AOAH: variants seen among roughly 807,000 people sequenced by gnomAD.
AOAH encodes the protein acyloxyacyl hydrolase.
AOAH carries 64 observed loss-of-function variants against 92.2 expected under a neutral mutation model. The observed-to-expected ratio is 0.69, with a 90% CI of 0.57 to 0.86. The LOEUF (loss-of-function observed/expected upper bound fraction) is 0.86, where lower values mean the gene tolerates loss of function less well. Among genes scored for constraint, AOAH ranks in the 40% least tolerant of loss-of-function variants. The probability of loss-of-function intolerance (pLI) is 0.00; values close to 1 mark genes in which losing one functional copy is unlikely to be tolerated. For synonymous variants in AOAH, 263 were observed against 254.5 expected, an observed-to-expected ratio of 1.03 and a Z score of -0.32; for missense variants, 656 against 694.6, an observed-to-expected ratio of 0.94 and a Z score of 0.62.
Position 36,516,029 on chromosome 7 carries a change from CAT to C in AOAH, c.1600-2651_1600-2650del, listed in dbSNP as rs1052584748. Among the ~76,000 whole-genome samples the C allele has an allele frequency of 4.0e-5, 6 of 148,346 alleles. No homozygotes were observed. The highest frequency in any genetic ancestry group is 1.5e-4 in the African/African-American group (6 of 40,366). ...ACACCCCTCACAACCCCACACAACA[CAT>C]AAATACGTCACACACACACACACCA... On this transcript the variant is annotated intron_variant, in intron 20 of 20. Coordinates refer to ENST00000617537, the MANE Select transcript of AOAH (RefSeq NM_001637.4). This position sits in a 1 kb window ranked among gnomAD's most constrained non-coding sequence, Gnocchi z 5.0.
chr7:36,563,763 G>A (rs1787464010), intron 13 of AOAH, among the ~76,000 whole-genome samples: 1 of 152,036 alleles, frequency 6.6e-6, no homozygotes, highest in African/African-American at 2.4e-5. Flanking sequence ...GGTAGTTTCA[G>A]GAGAATGATT....
rs934187131 is a variant in AOAH at position 36,567,667 on chromosome 7, C to T, written c.1021+8907G>A. 5.3e-5 allele frequency among the ~76,000 whole-genome samples: 8 copies of T among 152,174 alleles called. No homozygotes were observed. The East Asian group carries it at 1.3e-3, about 26-fold the overall frequency. ...CTGGTGGGTAAAACATATGATTAAC[C>T]GTCTAGGGCCTGTGAGGACATCAAC... On this transcript the variant is annotated intron_variant, in intron 13 of 20. Coordinates refer to ENST00000617537, the MANE Select transcript of AOAH (RefSeq NM_001637.4).
chr7:36,520,019 G>A (rs929039955), intron 20 of AOAH, among the ~76,000 whole-genome samples: 2 of 152,162 alleles, frequency 1.3e-5, no homozygotes, highest in African/African-American at 4.8e-5. Flanking sequence ...TTTAGGCCTG[G>A]CTATCCATTT....
At chr7:36,563,454 G>T (rs192895076) in intron 13 of AOAH, among the ~76,000 whole-genome samples, 8 of 152,208 alleles carry the variant, frequency 5.3e-5, no homozygotes, top group Admixed American at 1.3e-4. Context: ...CTGCTCATTT[G>T]GTGGTGGCCC....
intron 10 of AOAH, 72 bp downstream of exon 10, chr7:36,618,225 C>T: frequency 2.9e-6 from 4 of 1,388,218 alleles, no homozygotes; most frequent in Non-Finnish European, 3.1e-6. Context: ...AGGTGGTCTG[C>T]TCACTTCAAT....
At chr7:36,518,496 A>G (rs1228946437) in intron 20 of AOAH, among the ~76,000 whole-genome samples, 3 of 152,192 alleles carry the variant, frequency 2.0e-5, no homozygotes, top group Admixed American at 1.3e-4. Context: ...ATTTGTCCTC[A>G]GTACGGGAGG....
At chr7:36,615,144 G>C (rs1290765608) in intron 11 of AOAH, among the ~76,000 whole-genome samples, 1 of 152,188 alleles carries the variant, frequency 6.6e-6, no homozygotes, top group East Asian at 1.9e-4. Flanking sequence ...GCACCCTCCA[G>C]GGACAAGCTA....
intron 1 of AOAH, among the ~76,000 whole-genome samples, chr7:36,717,068 T>C (rs1799249877): frequency 6.6e-6 from 1 of 152,178 alleles, no homozygotes; most frequent in Admixed American, 6.5e-5. Context: ...TGGGACATAC[T>C]GTTCAGTGCT....
intron 4 of AOAH, among the ~76,000 whole-genome samples, chr7:36,653,391 A>G (rs570144814): frequency 6.6e-6 from 1 of 152,358 alleles, no homozygotes; most frequent in East Asian, 1.9e-4. Context: ...TCCTGAGGTC[A>G]GCTTGTTTAT....
chr7:36,681,427 C>T (rs4457232), intron 2 of AOAH, among the ~76,000 whole-genome samples: 122,230 of 152,178 alleles, frequency 0.8, 49,732 homozygotes, highest in African/African-American at 0.94. Context: ...TGCTGAGCAA[C>T]GCATACAGTA....
chr7:36,649,596 G>C (rs1794443993), intron 4 of AOAH, among the ~76,000 whole-genome samples: 1 of 152,224 alleles, frequency 6.6e-6, no homozygotes, highest in Non-Finnish European at 1.5e-5. Flanking sequence ...CAGCAGGAGG[G>C]ATAATGATCG....
chr7:36,656,197 G>C (rs76684802), intron 4 of AOAH, among the ~76,000 whole-genome samples: 1 of 152,310 alleles, frequency 6.6e-6, no homozygotes, highest in Non-Finnish European at 1.5e-5. Flanking sequence ...AAAGATGATT[G>C]GGGGAATTCT....
At chr7:36,531,862 G>GTGTGTGTGTA (rs1472110851) in intron 18 of AOAH, among the ~76,000 whole-genome samples, 1 of 151,156 alleles carries the variant, frequency 6.6e-6, no homozygotes, top group Non-Finnish European at 1.5e-5. Flanking sequence ...GTGTGTGTGT[G>GTGTGTGTGTA]TATGTGTGCG....
intron 13 of AOAH, among the ~76,000 whole-genome samples, chr7:36,567,876 C>T (rs1787822936): frequency 6.6e-6 from 1 of 152,246 alleles, no homozygotes; most frequent in Non-Finnish European, 1.5e-5. Flanking sequence ...GAGGCGGCAT[C>T]TCTCCTTCTG....
chr7:36,621,668 T>C, intron 8 of AOAH, 42 bp downstream of exon 8: 4 of 1,591,160 alleles, frequency 2.5e-6, no homozygotes, highest in Non-Finnish European at 3.5e-6. Context: ...CTTCCTTTTC[T>C]GAAGATAATT....
Position 36,513,177 on chromosome 7 carries a change from C to T in AOAH, c.*75G>A, listed in dbSNP as rs780515136. On this transcript the variant is annotated 3_prime_UTR_variant, in exon 21 of 21. Coordinates refer to ENST00000617537, the MANE Select transcript of AOAH (RefSeq NM_001637.4). ...TTTGGGCCTGTGACGTGGCAGCCCC[C>T]ATAGGGTTTGTGGAATGAGTTTACC... The T allele has an allele frequency of 3.1e-6, 5 of 1,613,860 alleles. No homozygotes were observed. The highest frequency in any genetic ancestry group is 4.2e-6 in the Non-Finnish European group (5 of 1,180,022).
At chr7:36,713,688 T>C (rs1369025916) in intron 1 of AOAH, among the ~76,000 whole-genome samples, 1 of 151,798 alleles carries the variant, frequency 6.6e-6, no homozygotes, top group Non-Finnish European at 1.5e-5. Context: ...TCAAAACTGC[T>C]CAAACATGGA....
At chr7:36,606,572 C>A (rs1791016846) in intron 11 of AOAH, among the ~76,000 whole-genome samples, 1 of 152,204 alleles carries the variant, frequency 6.6e-6, no homozygotes, top group East Asian at 1.9e-4. Flanking sequence ...TCCTCACCCC[C>A]TCCCCCAACC....
At chr7:36,718,793 A>G (rs776156376) in intron 1 of AOAH, among the ~76,000 whole-genome samples, 3 of 152,172 alleles carry the variant, frequency 2.0e-5, no homozygotes, top group Non-Finnish European at 4.4e-5. Context: ...GAGAGAAGGA[A>G]ATGGGGAGTA....
Sources: gnomAD v4.1 joint callset for allele counts (sites outside exome capture counted in the v4.1 genomes callset) on GRCh38, gnomAD v4.1.1 for gene constraint, Gnocchi (gnomAD v3.1) non-coding constraint, MANE v1.5 for transcripts, NCBI Gene and HGNC (gene_info 2026-07-23, HGNC 2026-07-21) for gene names.